CACNA2D3: variants seen among roughly 807,000 people sequenced by gnomAD.
CACNA2D3 encodes the protein calcium voltage-gated channel auxiliary subunit alpha2delta 3.
A neutral mutation model predicts 160.6 loss-of-function variants in CACNA2D3; 60 were observed. The observed-to-expected ratio is 0.37, with a 90% CI of 0.30 to 0.46. The LOEUF is 0.46. Among genes scored for constraint, CACNA2D3 ranks in the 20% least tolerant of loss-of-function variants. The probability of loss-of-function intolerance (pLI) is 1.00; values close to 1 mark genes in which losing one functional copy is unlikely to be tolerated. For missense variants in CACNA2D3, 1,205 were observed against 1,365.0 expected (o/e 0.88, Z 1.85); for synonymous variants, 558 against 492.9 (o/e 1.13, Z -1.75).
At chr3:54,482,052 C>T (rs1159655846) in intron 4 of CACNA2D3, among the ~76,000 whole-genome samples, 1 of 152,166 alleles carries the variant, frequency 6.6e-6, no homozygotes, top group Non-Finnish European at 1.5e-5. Context: ...AGAAATATGT[C>T]TATAACAACT....
chr3:54,950,744 G>C (rs181374981), intron 27 of CACNA2D3, among the ~76,000 whole-genome samples: 1 of 152,274 alleles, frequency 6.6e-6, no homozygotes, highest in Admixed American at 6.5e-5. Context: ...CATCAGTTGA[G>C]CTGAGCCTCA....
intron 2 of CACNA2D3, among the ~76,000 whole-genome samples, chr3:54,304,154 T>C (rs998705900): frequency 2.6e-5 from 4 of 152,152 alleles, no homozygotes; most frequent in Admixed American, 2.6e-4. Context: ...GCAACTCCCT[T>C]TCTTCCCCCG....
intron 11 of CACNA2D3, among the ~76,000 whole-genome samples, chr3:54,693,423 T>TG (rs1437459609): frequency 3.9e-5 from 6 of 152,224 alleles, no homozygotes; most frequent in Non-Finnish European, 8.8e-5. Context: ...TAAACAAGGC[T>TG]GGCATCAACA....
chr3:54,628,109 G>T (rs1240139588), intron 10 of CACNA2D3, among the ~76,000 whole-genome samples: 1 of 152,186 alleles, frequency 6.6e-6, no homozygotes, highest in African/African-American at 2.4e-5. Context: ...GCGGGTGCCT[G>T]TAGTCCCAGC....
At chr3:54,863,566 T>G (rs1699339124) in intron 17 of CACNA2D3, among the ~76,000 whole-genome samples, 1 of 152,094 alleles carries the variant, frequency 6.6e-6, no homozygotes, top group Non-Finnish European at 1.5e-5. Context: ...CCAGCCTCGG[T>G]GTGGTAAGCG....
At position 54,871,223 on chromosome 3, in the gene CACNA2D3, A is replaced by AC. The variant is rs140137047; in HGVS notation, c.1627-310dup. 5.4e-3 allele frequency among the ~76,000 whole-genome samples: 772 copies of AC among 144,076 alleles called. 11 individuals are homozygous for AC. The highest frequency in any genetic ancestry group is 0.02 in the East Asian group (99 of 5,000). 94.5% of individuals were successfully genotyped at this position (144,076 alleles called of 152,430 possible). On this transcript the variant is annotated intron_variant, in intron 17 of 37. Transcript: ENST00000474759. ...CACACACACACACACACACACACAC[A>AC]CCCCCCATTCAAGGAGGGGACAGAT...
In CACNA2D3 at chr3:54,891,419, CTGT is replaced by C; in HGVS notation, c.2217_2219del (p.Phe740del). On this transcript the variant is annotated inframe_deletion, in exon 25 of 38. Transcript: ENST00000474759. ...TCGCACGGGCCTCTCCAGAATCAAC[CTGT>C]TTGTCGGGGCTGAGCAGCTCACCAA... The C allele has an allele frequency of 6.2e-7, 1 of 1,613,912 alleles. No individual in the cohort carries two copies. The highest frequency in any genetic ancestry group is 1.6e-4 in the Middle Eastern group (1 of 6,062).
intron 11 of CACNA2D3, among the ~76,000 whole-genome samples, chr3:54,643,069 C>T (rs1480930091): frequency 1.3e-5 from 2 of 152,090 alleles, no homozygotes; most frequent in African/African-American, 2.4e-5. Context: ...AGTGGGTGCT[C>T]TTCTGGGGGT....
At chr3:54,949,112 C>G (rs1701690405) in intron 27 of CACNA2D3, among the ~76,000 whole-genome samples, 1 of 152,156 alleles carries the variant, frequency 6.6e-6, no homozygotes, top group Non-Finnish European at 1.5e-5. Context: ...GATTGGCAAA[C>G]TCAGTGGAAA....
chr3:54,955,740 T>G (rs186447218), intron 27 of CACNA2D3, among the ~76,000 whole-genome samples: 32 of 152,204 alleles, frequency 2.1e-4, no homozygotes, highest in Admixed American at 1.1e-3. Flanking sequence ...GGGGCTTTTT[T>G]GGGTATTGGC....
intron 29 of CACNA2D3, among the ~76,000 whole-genome samples, chr3:54,973,774 A>G (rs1251209438): frequency 1.3e-5 from 2 of 152,218 alleles, no homozygotes; most frequent in African/African-American, 2.4e-5. Flanking sequence ...AATTTTTTCA[A>G]AAGACAGTGT....
intron 18 of CACNA2D3, chr3:54,874,880 G>A (rs542892041): frequency 6.6e-6 from 1 of 152,260 alleles, no homozygotes; most frequent in Non-Finnish European, 1.5e-5. Flanking sequence ...GTGCAGAAAA[G>A]ATAGGGAGTG....
At chr3:54,494,005 A>G (rs1701157983) in intron 4 of CACNA2D3, among the ~76,000 whole-genome samples, 1 of 152,248 alleles carries the variant, frequency 6.6e-6, no homozygotes, top group South Asian at 2.1e-4. Context: ...GGCCTGGGCC[A>G]GTATCTGGTG....
intron 14 of CACNA2D3, among the ~76,000 whole-genome samples, chr3:54,836,543 A>G (rs1173631478): frequency 6.6e-6 from 1 of 152,184 alleles, no homozygotes; most frequent in Non-Finnish European, 1.5e-5. Context: ...CTCAAGGGCC[A>G]TTCTTATAAG....
intron 3 of CACNA2D3, among the ~76,000 whole-genome samples, chr3:54,376,164 C>A (rs1699008836): frequency 6.6e-6 from 1 of 152,084 alleles, no homozygotes; most frequent in African/African-American, 2.4e-5. Context: ...TATCTGAGTC[C>A]CACTTGCCTG....
intron 14 of CACNA2D3, among the ~76,000 whole-genome samples, chr3:54,827,129 G>C (rs1185583107): frequency 1.3e-5 from 2 of 152,224 alleles, no homozygotes; most frequent in African/African-American, 2.4e-5. Flanking sequence ...TGAGGGTGGA[G>C]TGGTTACTAC....
intron 4 of CACNA2D3, among the ~76,000 whole-genome samples, chr3:54,444,321 T>C (rs1368606628): frequency 2.0e-5 from 3 of 152,212 alleles, no homozygotes; most frequent in African/African-American, 7.2e-5. Context: ...TACTTGGAAA[T>C]TCAGGGTGGC....
At chr3:54,902,456 G>A (rs1291377147) in intron 27 of CACNA2D3, among the ~76,000 whole-genome samples, 2 of 152,036 alleles carry the variant, frequency 1.3e-5, no homozygotes, top group Non-Finnish European at 2.9e-5. Flanking sequence ...TGCATAAATG[G>A]GCCCCATCCA....
At chr3:54,774,631 T>C (rs1320497088) in intron 13 of CACNA2D3, among the ~76,000 whole-genome samples, 68 of 119,396 alleles carry the variant, frequency 5.7e-4, no homozygotes, top group African/African-American at 2.1e-3. Flanking sequence ...CTTTGACTAT[T>C]TTTTTTTTTT....
Sources: gnomAD v4.1 joint callset for allele counts (sites outside exome capture counted in the v4.1 genomes callset) on GRCh38, gnomAD v4.1.1 for gene constraint, MANE v1.5 for transcripts, NCBI Gene and HGNC (gene_info 2026-07-23, HGNC 2026-07-21) for gene names.